HACD4: variants seen among roughly 807,000 people sequenced by gnomAD.
HACD4 encodes 3-hydroxyacyl-CoA dehydratase 4, also known as very-long-chain (3R)-3-hydroxyacyl-CoA dehydratase 4.
HACD4 carries 35 observed loss-of-function variants against 33.3 expected under a neutral mutation model. The observed-to-expected ratio is 1.05, with a 90% CI of 0.80 to 1.39. The LOEUF (loss-of-function observed/expected upper bound fraction) is 1.39, where lower values mean the gene tolerates loss of function less well. Ranked by LOEUF, HACD4 falls within the 40% of genes most tolerant of loss-of-function variation. The pLI is 0.00. For missense variants in HACD4, 323 were observed against 276.5 expected (o/e 1.17, Z -1.19); for synonymous variants, 118 against 98.0 (o/e 1.20, Z -1.21).
At chr9:21,007,189 AAAT>A in intron 6 of HACD4, 70 bp from the exon 7 acceptor site, 1 of 849,950 alleles carries the variant, frequency 1.2e-6, no homozygotes, top group South Asian at 1.3e-5. Context: ...AATGCTTTTA[AAAT>A]ACAGTCAGAG....
chr9:21,013,708 C>A (rs1391408654), intron 4 of HACD4, among the ~76,000 whole-genome samples: 1 of 152,096 alleles, frequency 6.6e-6, no homozygotes, highest in Non-Finnish European at 1.5e-5. Context: ...AAATTCTGTG[C>A]ATCTTTTGTC....
intron 4 of HACD4, among the ~76,000 whole-genome samples, chr9:21,012,183 G>A (rs1221787845): frequency 6.6e-6 from 1 of 152,204 alleles, no homozygotes; most frequent in Non-Finnish European, 1.5e-5. Flanking sequence ...TTTGGGTATA[G>A]TAGGGAGCTT....
intron 3 of HACD4, among the ~76,000 whole-genome samples, chr9:21,019,651 T>A (rs7860837): frequency 6.6e-6 from 1 of 151,844 alleles, no homozygotes; most frequent in South Asian, 2.1e-4. Flanking sequence ...AAATATAGCT[T>A]TATACTTATC....
Position 21,007,112 on chromosome 9 carries a change from A to C in HACD4, c.624T>G (p.Tyr208Ter). Residue 208 changes from tyrosine (Y) to a stop codon, truncating the protein, a stop_gained, in exon 7 of 7, where the codon TAT (tyrosine) becomes TAG (stop). Transcript: ENST00000495827. LOFTEE classifies it high-confidence loss of function. ...IYLMMLFIGM[Y>*]FTYSHLYSER... ...CTGAGTATAGATGACTGTAGGTAAA[A>C]TACATACCTAATATGGAGAAAGAAG... The C allele has an allele frequency of 6.7e-7, 1 of 1,486,224 alleles. No homozygotes were observed. Among genetic ancestry groups the C allele is most frequent in the South Asian group, 1.1e-5 (1 of 88,510 alleles). 92.1% of individuals were successfully genotyped at this position (1,486,224 alleles called of 1,614,324 possible).
In HACD4 at chr9:21,003,393, TGATTAA is replaced by T. The variant is rs1326639670; in HGVS notation, c.*3638_*3643del. 1.3e-5 allele frequency: 2 copies of T among 152,072 alleles called. No homozygotes were observed. The highest frequency in any genetic ancestry group is 6.6e-5 in the Admixed American group (1 of 15,254). 9.4% of individuals were successfully genotyped at this position (152,072 alleles called of 1,614,324 possible). A position where few individuals can be genotyped will look rare whatever the true frequency, so the allele number is the denominator to read the frequency against. On this transcript the variant is annotated 3_prime_UTR_variant, in exon 7 of 7. Coordinates refer to ENST00000495827, the MANE Select transcript of HACD4 (RefSeq NM_001010915.5). ...TGTAAGGAGCCATCTTTATTTGGAGTGATTAAGATTAACTCACCTAAAATTTGCAAA... is the reference window on the plus strand; with the variant it reads ...TGTAAGGAGCCATCTTTATTTGGAGTGATTAACTCACCTAAAATTTGCAAA...
Position 21,006,395 on chromosome 9 carries a change from C to G in HACD4, c.*642G>C, listed in dbSNP as rs1290725359. The stretch of plus-strand genomic sequence containing the variant: ...AACTGCATTAGCTGATGCCTTGATC[C>G]TGAGCGGAATTCCCAGCCTCCAGAA... On this transcript the variant is annotated 3_prime_UTR_variant, in exon 7 of 7. Transcript: ENST00000495827. This position sits in a 1 kb window ranked among gnomAD's most constrained non-coding sequence, Gnocchi z 4.6. The G allele has an allele frequency of 1.3e-5, 2 of 152,898 alleles. No individual in the cohort carries two copies. The highest frequency in any genetic ancestry group is 2.9e-5 in the Non-Finnish European group (2 of 68,684). The allele number at this position is 152,898 out of a possible 1,614,324, so 9.5% of individuals were successfully genotyped here.
chr9:21,028,280 T>C (rs1564281926), intron 2 of HACD4, among the ~76,000 whole-genome samples: 1 of 152,116 alleles, frequency 6.6e-6, no homozygotes, highest in Non-Finnish European at 1.5e-5. Context: ...ACATGTAATA[T>C]GCCTGCACTG....
rs774173197 is a variant in HACD4 at position 21,029,351 on chromosome 9, C to G, written c.86G>C (p.Cys29Ser). The G allele has an allele frequency of 1.2e-6, 2 of 1,602,432 alleles. No homozygotes were observed. The highest frequency in any genetic ancestry group is 1.7e-6 in the Non-Finnish European group (2 of 1,170,636). The change falls in exon 2 of 7, where the codon TGT (cysteine) becomes TCT (serine). Residue 29 changes from cysteine to serine, a missense_variant. Coordinates refer to ENST00000495827, the MANE Select transcript of HACD4 (RefSeq NM_001010915.5). ...YLFIYYLIQF[C>S]GHSWIFTNMT... ...ATTTGTAAATATCCAAGAGTGGCCA[C>G]AGAACTGGATTAAGTAATAGATGAA...
At chr9:21,015,726 A>G in intron 4 of HACD4, 172 bp downstream of exon 4, 1 of 480,842 alleles carries the variant, frequency 2.1e-6, no homozygotes, top group Non-Finnish European at 3.7e-6. Context: ...ATTATCTTTG[A>G]TATGCCCATT....
intron 3 of HACD4, among the ~76,000 whole-genome samples, chr9:21,022,064 G>C (rs891515119): frequency 1.3e-5 from 2 of 152,178 alleles, no homozygotes; most frequent in Non-Finnish European, 2.9e-5. Flanking sequence ...AGAGCCCTCA[G>C]AAGTAATACC....
At chr9:21,026,463 T>G in intron 3 of HACD4, 133 bp downstream of exon 3, 3 of 712,246 alleles carry the variant, frequency 4.2e-6, no homozygotes, top group Non-Finnish European at 7.0e-6. Context: ...TGTCCTTCCA[T>G]GAAATTAATT....
In HACD4 at chr9:21,012,562, C is replaced by A. The variant is rs189799212; in HGVS notation, c.384-867G>T. 2.0e-5 allele frequency among the ~76,000 whole-genome samples: 3 copies of A among 152,294 alleles called. No individual in the cohort carries two copies. The East Asian group carries it at 5.8e-4, about 29-fold the overall frequency. ...ACCCCTCAGAGACAATAGCCAATGT[C>A]AGTTTCTTAGGTATTCTTTCAAAAA... On this transcript the variant is annotated intron_variant, in intron 4 of 6. Transcript: ENST00000495827.
intron 3 of HACD4, among the ~76,000 whole-genome samples, chr9:21,021,201 A>G (rs1021560342): frequency 1.3e-5 from 2 of 152,214 alleles, no homozygotes; most frequent in African/African-American, 4.8e-5. Context: ...AAAAATCTCC[A>G]TAAGCTAGGT....
chr9:21,010,959 T>C (rs1422931011), intron 5 of HACD4, among the ~76,000 whole-genome samples: 4 of 152,098 alleles, frequency 2.6e-5, no homozygotes, highest in Non-Finnish European at 4.4e-5. Context: ...CAATGGTGAG[T>C]GGCTATAAAT....
intron 1 of HACD4, among the ~76,000 whole-genome samples, chr9:21,030,750 T>A (rs1818191517): frequency 2.0e-5 from 3 of 152,210 alleles, no homozygotes; most frequent in Non-Finnish European, 2.9e-5. Flanking sequence ...CGAAAGCAGT[T>A]TAGTTGCTCA....
rs559612437 is a variant in HACD4, at chr9:20,999,684, C to G, written c.*7353G>C. On this transcript the variant is annotated 3_prime_UTR_variant, in exon 7 of 7. Transcript: ENST00000495827. The stretch of plus-strand genomic sequence containing the variant: ...AATTGAAATTCATTACCTAATTAAG[C>G]CGATAGATTTCTTGAAATATATTTC... 4.4e-4 allele frequency: 67 copies of G among 152,220 alleles called. No homozygotes were observed. The highest frequency in any genetic ancestry group is 1.5e-3 in the African/African-American group (63 of 41,542). 9.4% of individuals were successfully genotyped at this position (152,220 alleles called of 1,614,324 possible).
intron 3 of HACD4, among the ~76,000 whole-genome samples, chr9:21,022,870 A>C (rs56400615): frequency 0.32 from 47,729 of 151,486 alleles, 7,691 homozygotes; most frequent in East Asian, 0.51. Context: ...ATTACTGGGT[A>C]TATACCCAAA....
intron 3 of HACD4, among the ~76,000 whole-genome samples, chr9:21,024,717 A>C (rs934258454): frequency 2.6e-5 from 4 of 152,226 alleles, no homozygotes; most frequent in African/African-American, 9.6e-5. Context: ...TGCATTCTCT[A>C]CACTGGCAAT....
intron 3 of HACD4, 50 bp from the exon 4 acceptor site, chr9:21,016,060 T>C (rs1298325746): frequency 3.9e-6 from 5 of 1,278,710 alleles, no homozygotes; most frequent in Non-Finnish European, 5.6e-6. Flanking sequence ...TTAGGCTATG[T>C]AGGTAATTTT....
Sources: gnomAD v4.1 joint callset for allele counts (sites outside exome capture counted in the v4.1 genomes callset) on GRCh38, gnomAD v4.1.1 for gene constraint, Gnocchi (gnomAD v3.1) non-coding constraint, MANE v1.5 for transcripts, NCBI Gene and HGNC (gene_info 2026-07-23, HGNC 2026-07-21) for gene names.